Variants in SETD3 observed in about 807,000 individuals in gnomAD.
SETD3 encodes the protein actin-histidine N-methyltransferase.
SETD3 carries 19 observed loss-of-function variants against 63.0 expected under a neutral mutation model. The observed-to-expected ratio is 0.30, with a 90% CI of 0.21 to 0.44. The LOEUF is 0.44. Among genes scored for constraint, SETD3 ranks in the 20% least tolerant of loss-of-function variants. The pLI is 1.00. For missense variants in SETD3, 587 were observed against 728.5 expected (o/e 0.81, Z 2.24); for synonymous variants, 286 against 264.1 (o/e 1.08, Z -0.80).
At chr14:99,476,287 A>G (rs1200194199) in intron 1 of SETD3, among the ~76,000 whole-genome samples, 1 of 152,258 alleles carries the variant, frequency 6.6e-6, no homozygotes, top group Admixed American at 6.5e-5. Context: ...CCCATTTATG[A>G]GAGCTCCAAA....
chr14:99,469,888 C>G (rs1186654436), intron 1 of SETD3, among the ~76,000 whole-genome samples: 1 of 152,232 alleles, frequency 6.6e-6, no homozygotes, highest in Non-Finnish European at 1.5e-5. Flanking sequence ...ACCAGTCCTT[C>G]CCCCAGTAGC....
At chr14:99,479,410 T>C (rs1219164167) in intron 1 of SETD3, among the ~76,000 whole-genome samples, 2 of 152,238 alleles carry the variant, frequency 1.3e-5, no homozygotes, top group Non-Finnish European at 2.9e-5. Context: ...GTAGCCCGTA[T>C]AAACACAGTA....
chr14:99,442,742 A>G (rs1893898281), intron 6 of SETD3, among the ~76,000 whole-genome samples: 1 of 152,220 alleles, frequency 6.6e-6, no homozygotes, highest in South Asian at 2.1e-4. Context: ...CGTTACTGGT[A>G]AGGCCTCTGG....
At chr14:99,436,625 A>C (rs1222869849) in intron 6 of SETD3, among the ~76,000 whole-genome samples, 1 of 152,138 alleles carries the variant, frequency 6.6e-6, no homozygotes, top group South Asian at 2.1e-4. Flanking sequence ...TCTTAATGCA[A>C]ATTTGCTTCG....
Position 99,406,142 on chromosome 14 carries a change from T to C in SETD3, c.924+374A>G, listed in dbSNP as rs1326958796. On this transcript the variant is annotated intron_variant, in intron 9 of 12. Coordinates refer to ENST00000331768, the MANE Select transcript of SETD3 (RefSeq NM_032233.3). ...TGCTTTTGCCCCTTAAATACTCTTA[T>C]AAAGTTCTAATCAGTAGAAAAAATA... Among the ~76,000 whole-genome samples, 11 of 152,332 alleles carry C rather than the reference T, an allele frequency of 7.2e-5. No individual in the cohort carries two copies. The East Asian group carries it at 1.7e-3, about 24-fold the overall frequency.
At chr14:99,450,317 T>C (rs1407824807) in intron 6 of SETD3, among the ~76,000 whole-genome samples, 2 of 152,226 alleles carry the variant, frequency 1.3e-5, no homozygotes, top group Admixed American at 1.3e-4. Context: ...TATGAAAACA[T>C]AGGCTAAATA....
At chr14:99,455,807 C>T (rs905864863) in intron 6 of SETD3, among the ~76,000 whole-genome samples, 2 of 152,202 alleles carry the variant, frequency 1.3e-5, no homozygotes, top group African/African-American at 4.8e-5. Flanking sequence ...AGAAGTGTAG[C>T]AGCACCTCTA....
rs1892086867 is a variant in SETD3 at position 99,413,004 on chromosome 14, C to T, written c.796G>A (p.Val266Met). The change falls in exon 8 of 13, where the codon GTG (valine) becomes ATG (methionine). Residue 266 changes from valine (V) to methionine (M), a missense_variant. By Grantham distance (21) the Val-to-Met change is conservative (BLOSUM62 1). Transcript: ENST00000331768. ...NQIPTEDGSRVTLALIPLWDM... is the reference protein window; with the variant it reads ...NQIPTEDGSRMTLALIPLWDM... ...CATAAAGGAATCAGAGCCAGGGTCACGCGGGAACCATCCTCTGTGGGAATT... is the reference window on the plus strand; with the variant it reads ...CATAAAGGAATCAGAGCCAGGGTCATGCGGGAACCATCCTCTGTGGGAATT... 2.5e-6 allele frequency: 4 copies of T among 1,614,036 alleles called. No homozygotes were observed. Among genetic ancestry groups the T allele is most frequent in the Non-Finnish European group, 3.4e-6 (4 of 1,179,972 alleles).
chr14:99,449,831 G>T (rs1038536090), intron 6 of SETD3, among the ~76,000 whole-genome samples: 13 of 152,288 alleles, frequency 8.5e-5, no homozygotes, highest in Admixed American at 7.2e-4. Context: ...AGTGTATATA[G>T]GAGTTCTGTG....
intron 6 of SETD3, among the ~76,000 whole-genome samples, chr14:99,418,206 G>A (rs1401792769): frequency 6.6e-6 from 1 of 152,134 alleles, no homozygotes. Context: ...GATGACTATA[G>A]TATCAGAAAT....
At position 99,426,581 on chromosome 14, in the gene SETD3, G is replaced by A. The variant is rs549507885; in HGVS notation, c.676-12647C>T. Among the ~76,000 whole-genome samples the A allele has an allele frequency of 5.3e-5, 8 of 152,326 alleles. No individual in the cohort carries two copies. In the East Asian group the frequency reaches 1.5e-3, roughly 29 times the overall value. On this transcript the variant is annotated intron_variant, in intron 6 of 12. Coordinates refer to ENST00000331768, the MANE Select transcript of SETD3 (RefSeq NM_032233.3). ...GCTCTCCTGCTGGACCTGGCAAACAGAAGGTGCTGATAAATATGAACTGAC... is the reference window on the plus strand; with the variant it reads ...GCTCTCCTGCTGGACCTGGCAAACAAAAGGTGCTGATAAATATGAACTGAC...
chr14:99,481,515 C>T (rs887200513), upstream of SETD3: 2 of 398,532 alleles, frequency 5.0e-6, no homozygotes, highest in African/African-American at 4.1e-5. Flanking sequence ...GCGCCGCCCA[C>T]CTCCCGCGTA....
intron 6 of SETD3, among the ~76,000 whole-genome samples, chr14:99,425,222 T>A (rs1892816713): frequency 6.6e-6 from 1 of 152,234 alleles, no homozygotes; most frequent in Non-Finnish European, 1.5e-5. Flanking sequence ...TAAGGAGTCC[T>A]ACCCTCTACA....
intron 6 of SETD3, among the ~76,000 whole-genome samples, chr14:99,415,415 T>C (rs539549468): frequency 1.6e-4 from 24 of 152,302 alleles, no homozygotes; most frequent in Middle Eastern, 3.4e-3. Flanking sequence ...TAAAAATAAC[T>C]TCAAGAGTCT....
Position 99,446,479 on chromosome 14 carries a change from C to T in SETD3, c.675+11800G>A, listed in dbSNP as rs115360329. Reference sequence around the variant, plus strand: ...CCACAGCGGGCATTGCCTAACCTTCCTTGGTTAGGATGCCAGCCCCAAGTT... The same window carrying T: ...CCACAGCGGGCATTGCCTAACCTTCTTTGGTTAGGATGCCAGCCCCAAGTT... On this transcript the variant is annotated intron_variant, in intron 6 of 12. Coordinates refer to ENST00000331768, the MANE Select transcript of SETD3 (RefSeq NM_032233.3). 7.2e-3 allele frequency among the ~76,000 whole-genome samples: 1,090 copies of T among 152,198 alleles called. 8 individuals are homozygous for T. Among genetic ancestry groups the T allele is most frequent in the African/African-American group, 0.024 (1,005 of 41,536 alleles).
intron 6 of SETD3, among the ~76,000 whole-genome samples, chr14:99,429,271 G>T (rs1160982909): frequency 6.6e-6 from 1 of 152,144 alleles, no homozygotes; most frequent in African/African-American, 2.4e-5. Flanking sequence ...AGGAAAAAAA[G>T]AAGAGGATTT....
At chr14:99,420,781 G>C (rs1892544271) in intron 6 of SETD3, among the ~76,000 whole-genome samples, 1 of 151,888 alleles carries the variant, frequency 6.6e-6, no homozygotes. Flanking sequence ...AAGCCCACCA[G>C]TCCTCTGTAC....
intron 1 of SETD3, among the ~76,000 whole-genome samples, chr14:99,470,780 C>T (rs1895658190): frequency 6.6e-6 from 1 of 152,188 alleles, no homozygotes; most frequent in South Asian, 2.1e-4. Context: ...TGGTTTGGCA[C>T]TAATTCTAGT....
upstream of SETD3, among the ~76,000 whole-genome samples, chr14:99,481,899 C>A (rs74424851): frequency 2.2e-4 from 33 of 152,286 alleles, no homozygotes; most frequent in African/African-American, 7.7e-4. Flanking sequence ...GAGGTTGTTC[C>A]ATGTCTAGGG....
Sources: allele counts gnomAD v4.1 joint callset (sites outside exome capture counted in the v4.1 genomes callset), GRCh38; gene constraint gnomAD v4.1.1; transcripts MANE v1.5; gene names NCBI Gene and HGNC (gene_info 2026-07-23, HGNC 2026-07-21).